Variants in CTNNBL1 observed in about 807,000 individuals in gnomAD.
CTNNBL1 encodes the protein beta-catenin-like protein 1.
A neutral mutation model predicts 72.7 loss-of-function variants in CTNNBL1; 31 were observed. The ratio of observed to expected loss-of-function variants is 0.43; its 90% CI spans 0.32 to 0.58. The LOEUF is 0.58. Ranked by LOEUF, CTNNBL1 falls within the 20% of genes least tolerant of loss-of-function variation. The pLI is 0.08. For synonymous variants in CTNNBL1, 240 were observed against 267.3 expected, an observed-to-expected ratio of 0.90 and a Z score of 1.00; for missense variants, 534 against 725.1, an observed-to-expected ratio of 0.74 and a Z score of 3.03.
intron 11 of CTNNBL1, among the ~76,000 whole-genome samples, chr20:37,837,785 A>G (rs1174302797): frequency 1.3e-5 from 2 of 152,252 alleles, no homozygotes; most frequent in Non-Finnish European, 2.9e-5. Flanking sequence ...CCATTCATTC[A>G]GCAAGTATTC....
At chr20:37,765,045 A>G (rs2073453356) in intron 5 of CTNNBL1, 152 bp from the exon 6 acceptor site, 2 of 619,406 alleles carry the variant, frequency 3.2e-6, no homozygotes, top group Non-Finnish European at 5.9e-6. Flanking sequence ...TAAAAGAGAT[A>G]ATGGGATGGG....
intron 11 of CTNNBL1, among the ~76,000 whole-genome samples, chr20:37,822,418 A>G (rs1043778707): frequency 5.3e-5 from 8 of 152,210 alleles, no homozygotes; most frequent in African/African-American, 1.7e-4. Context: ...TTCCTTGGGA[A>G]TGCATCTTGG....
chr20:37,715,531 A>G, intron 1 of CTNNBL1, among the ~76,000 whole-genome samples: 1 of 152,128 alleles, frequency 6.6e-6, no homozygotes. Flanking sequence ...GCCTCCTAAG[A>G]AGTTATTTGT....
chr20:37,719,146 A>G (rs930360039), intron 1 of CTNNBL1, among the ~76,000 whole-genome samples: 1 of 152,228 alleles, frequency 6.6e-6, no homozygotes, highest in Non-Finnish European at 1.5e-5. Flanking sequence ...AAGTAAGTAG[A>G]CAGGTAGATT....
chr20:37,790,318 T>C (rs149449321), intron 10 of CTNNBL1, among the ~76,000 whole-genome samples: 1 of 152,338 alleles, frequency 6.6e-6, no homozygotes, highest in East Asian at 1.9e-4. Context: ...CATTTTATTC[T>C]TGTCATCCTT....
intron 13 of CTNNBL1, among the ~76,000 whole-genome samples, chr20:37,856,232 A>C (rs1261609136): frequency 6.6e-6 from 1 of 151,968 alleles, no homozygotes; most frequent in Admixed American, 6.6e-5. Context: ...CTAAGCAAAA[A>C]AATGCTGCAC....
intron 3 of CTNNBL1, among the ~76,000 whole-genome samples, chr20:37,738,463 TC>T (rs1363187133): frequency 6.6e-6 from 1 of 152,248 alleles, no homozygotes; most frequent in Non-Finnish European, 1.5e-5. Context: ...CAGTCTTGAA[TC>T]CTAACCAAGG....
intron 13 of CTNNBL1, among the ~76,000 whole-genome samples, chr20:37,851,806 G>A (rs1301060615): frequency 1.3e-5 from 2 of 152,190 alleles, no homozygotes; most frequent in East Asian, 1.9e-4. Context: ...GTAAGGACTC[G>A]AGAAATTTCA....
At chr20:37,725,295 CTT>C (rs1248518330) in intron 1 of CTNNBL1, among the ~76,000 whole-genome samples, 2 of 151,342 alleles carry the variant, frequency 1.3e-5, no homozygotes, top group Non-Finnish European at 3.0e-5. Flanking sequence ...CCTTGAGCCT[CTT>C]TGATTTTTTT....
At chr20:37,824,688 C>T (rs2072142563) in intron 11 of CTNNBL1, among the ~76,000 whole-genome samples, 1 of 152,186 alleles carries the variant, frequency 6.6e-6, no homozygotes, top group African/African-American at 2.4e-5. Context: ...CATTGGGAGC[C>T]CAGGTTCCTT....
chr20:37,757,753 C>A, intron 5 of CTNNBL1, 97 bp downstream of exon 5: 1 of 812,738 alleles, frequency 1.2e-6, no homozygotes. Flanking sequence ...TGGAACTCCA[C>A]GGCAAGGCTG....
chr20:37,779,718 GTATTTT>G (rs1251161425), intron 10 of CTNNBL1, among the ~76,000 whole-genome samples: 1 of 152,020 alleles, frequency 6.6e-6, no homozygotes, highest in African/African-American at 2.4e-5. Flanking sequence ...CCATATGTTT[GTATTTT>G]TATTGAAAGC....
chr20:37,797,453 G>A (rs2073787578), intron 10 of CTNNBL1, among the ~76,000 whole-genome samples: 1 of 149,696 alleles, frequency 6.7e-6, no homozygotes, highest in Admixed American at 6.7e-5. Flanking sequence ...CAAGGTCCTA[G>A]TCTTCTGTTC....
At chr20:37,738,031 CTGCCAGCCTAG>C (rs2122607937) in intron 3 of CTNNBL1, among the ~76,000 whole-genome samples, 2 of 152,358 alleles carry the variant, frequency 1.3e-5, no homozygotes, top group African/African-American at 4.8e-5. Context: ...AAATTCCTGG[CTGCCAGCCTAG>C]GGCCAGCCTT....
intron 7 of CTNNBL1, among the ~76,000 whole-genome samples, chr20:37,774,161 G>C (rs1404386487): frequency 6.6e-6 from 1 of 152,080 alleles, no homozygotes; most frequent in East Asian, 1.9e-4. Flanking sequence ...TGATCCTCCC[G>C]CCTCAGCTTC....
chr20:37,816,902 C>G (rs1242426362), intron 11 of CTNNBL1, among the ~76,000 whole-genome samples: 1 of 152,118 alleles, frequency 6.6e-6, no homozygotes, highest in Non-Finnish European at 1.5e-5. Flanking sequence ...GTTTGCTAGC[C>G]TAGTTAACTG....
At chr20:37,839,304 T>C (rs1224296230) in intron 11 of CTNNBL1, among the ~76,000 whole-genome samples, 1 of 152,220 alleles carries the variant, frequency 6.6e-6, no homozygotes, top group Non-Finnish European at 1.5e-5. Context: ...ATAAACTGTT[T>C]GTTGTTCACA....
At chr20:37,735,205 C>A (rs78590338) in intron 2 of CTNNBL1, among the ~76,000 whole-genome samples, 479 of 152,188 alleles carry the variant, frequency 3.1e-3, no homozygotes, top group African/African-American at 0.011. Flanking sequence ...TCATTCATCC[C>A]CTTCCTTCCC....
intron 13 of CTNNBL1, among the ~76,000 whole-genome samples, chr20:37,851,954 A>G (rs994252107): frequency 6.6e-6 from 1 of 152,188 alleles, no homozygotes; most frequent in African/African-American, 2.4e-5. Flanking sequence ...ATCTGTCTCA[A>G]TTTTTCCATC....
Sources: gnomAD v4.1 joint callset for allele counts (sites outside exome capture counted in the v4.1 genomes callset) on GRCh38, gnomAD v4.1.1 for gene constraint, MANE v1.5 for transcripts, NCBI Gene and HGNC (gene_info 2026-07-23, HGNC 2026-07-21) for gene names.